The following DAB1 variants were observed in gnomAD, a reference collection of about 807,000 sequenced individuals.
DAB1 encodes DAB adaptor protein 1.
DAB1 carries 15 observed loss-of-function variants against 64.6 expected under a neutral mutation model. The ratio of observed to expected loss-of-function variants is 0.23; its 90% CI spans 0.16 to 0.36. The LOEUF (loss-of-function observed/expected upper bound fraction) is 0.36, where lower values mean the gene tolerates loss of function less well. DAB1 is among the 10% of genes least tolerant of loss of function. The pLI is 1.00. For synonymous variants in DAB1, 235 were observed against 251.9 expected (o/e 0.93, Z 0.64); for missense variants, 596 against 706.7 (o/e 0.84, Z 1.78).
intron 1 of DAB1, among the ~76,000 whole-genome samples, chr1:57,361,474 G>A (rs1243877037): frequency 6.6e-6 from 1 of 152,078 alleles, no homozygotes; most frequent in Non-Finnish European, 1.5e-5. Flanking sequence ...CAATATCTGT[G>A]TCCTTCCAAT....
intron 7 of DAB1, among the ~76,000 whole-genome samples, chr1:57,455,897 T>C (rs1316465652): frequency 1.3e-5 from 2 of 152,160 alleles, no homozygotes; most frequent in African/African-American, 4.8e-5. Flanking sequence ...TTGCGGAACA[T>C]TGCTGTTGGA....
At chr1:58,199,715 T>A (rs1657894391) in intron 4 of DAB1, among the ~76,000 whole-genome samples, 1 of 152,246 alleles carries the variant, frequency 6.6e-6, no homozygotes, top group African/African-American at 2.4e-5. Context: ...CTTAAAGTCA[T>A]GTGTTTCTCA....
At chr1:57,499,943 A>G (rs950315386) in intron 7 of DAB1, among the ~76,000 whole-genome samples, 2 of 152,234 alleles carry the variant, frequency 1.3e-5, no homozygotes, top group Admixed American at 1.3e-4. Flanking sequence ...TGTTTTTCAC[A>G]TTGCAGATAC....
At chr1:57,213,747 A>G (rs1048939024) in intron 2 of DAB1, among the ~76,000 whole-genome samples, 1 of 152,230 alleles carries the variant, frequency 6.6e-6, no homozygotes, top group Non-Finnish European at 1.5e-5. Context: ...AAAATGAAGT[A>G]GTTCAACCAA....
intron 1 of DAB1, among the ~76,000 whole-genome samples, chr1:57,339,610 C>T (rs1394630433): frequency 1.3e-5 from 2 of 152,168 alleles, no homozygotes; most frequent in East Asian, 3.9e-4. Context: ...CAGGCTGACA[C>T]ATTAATTGAG....
chr1:57,754,364 T>C (rs1400807029), intron 6 of DAB1, among the ~76,000 whole-genome samples: 1 of 152,134 alleles, frequency 6.6e-6, no homozygotes, highest in Non-Finnish European at 1.5e-5. Flanking sequence ...CCAATTAGGT[T>C]TTATTTAATT....
At chr1:57,240,069 C>T (rs480283) in intron 2 of DAB1, among the ~76,000 whole-genome samples, 71,723 of 152,062 alleles carry the variant, frequency 0.47, 18,896 homozygotes, top group Admixed American at 0.59. Context: ...TAAGCTTAGA[C>T]GTAATGTCTT....
chr1:57,866,787 G>A, intron 1 of DAB1, among the ~76,000 whole-genome samples: 1 of 152,170 alleles, frequency 6.6e-6, no homozygotes. Context: ...GCACAGGATT[G>A]TGTTTAACAT....
chr1:57,621,391 G>A (rs892798150), intron 7 of DAB1, among the ~76,000 whole-genome samples: 4 of 151,536 alleles, frequency 2.6e-5, no homozygotes, highest in East Asian at 2.0e-4. Context: ...GGGATAGTGC[G>A]TGGGGGTGGG....
intron 5 of DAB1, 22 bp from the exon 6 acceptor site, chr1:57,071,663 C>T (rs760867085): frequency 8.4e-5 from 135 of 1,610,782 alleles, no homozygotes; most frequent in Non-Finnish European, 1.1e-4. Flanking sequence ...GGTAGTAAGG[C>T]ACATCATAAG....
chr1:57,086,887 G>A (rs1653143564), intron 4 of DAB1, among the ~76,000 whole-genome samples: 1 of 152,162 alleles, frequency 6.6e-6, no homozygotes, highest in African/African-American at 2.4e-5. Context: ...GAATGGGTCT[G>A]GGTCATTCCT....
At chr1:57,412,865 T>C (rs982844708) in intron 1 of DAB1, among the ~76,000 whole-genome samples, 5 of 152,258 alleles carry the variant, frequency 3.3e-5, no homozygotes, top group South Asian at 2.1e-4. Context: ...ATTGATGAAG[T>C]TGGTTATACC....
At chr1:57,629,057 A>T (rs1007765875) in intron 7 of DAB1, among the ~76,000 whole-genome samples, 6 of 152,160 alleles carry the variant, frequency 3.9e-5, no homozygotes, top group Non-Finnish European at 7.4e-5. Flanking sequence ...GTTCTTACAA[A>T]TTTTAAACCT....
chr1:57,331,864 C>T (rs72674851), intron 1 of DAB1, among the ~76,000 whole-genome samples: 16,056 of 152,242 alleles, frequency 0.11, 924 homozygotes, highest in Middle Eastern at 0.13. Context: ...ACATTAAAGA[C>T]GAGGTAGCAG....
chr1:58,116,022 T>C (rs565007984), intron 5 of DAB1, among the ~76,000 whole-genome samples: 51 of 150,830 alleles, frequency 3.4e-4, no homozygotes, highest in Admixed American at 2.4e-3. Flanking sequence ...AATTCATCTA[T>C]ACAAAAAAAA....
chr1:57,563,376 G>T (rs1001446295), intron 7 of DAB1, among the ~76,000 whole-genome samples: 1 of 152,162 alleles, frequency 6.6e-6, no homozygotes, highest in South Asian at 2.1e-4. Context: ...CGCAGAAGAC[G>T]GGTGATTTCT....
chr1:57,835,939 C>T (rs1652790477), intron 1 of DAB1, among the ~76,000 whole-genome samples: 1 of 152,094 alleles, frequency 6.6e-6, no homozygotes, highest in Non-Finnish European at 1.5e-5. Context: ...GGTACTCTAC[C>T]CATTTGGGTC....
rs147744216 is a variant in DAB1 at position 57,308,187 on chromosome 1, C to T, written c.-136-17021G>A. Reference sequence around the variant, plus strand: ...TCATCCAGATTTGTAATTGAGTTATCCCTAAAAAATGAGCCAGCCTTGATT... The same window carrying T: ...TCATCCAGATTTGTAATTGAGTTATTCCTAAAAAATGAGCCAGCCTTGATT... On this transcript the variant is annotated intron_variant, in intron 1 of 14. Coordinates refer to ENST00000371236, the MANE Select transcript of DAB1 (RefSeq NM_001365792.1). 3.4e-3 allele frequency among the ~76,000 whole-genome samples: 522 copies of T among 152,250 alleles called. 5 individuals carry two copies. The highest frequency in any genetic ancestry group is 0.012 in the African/African-American group (489 of 41,540).
At chr1:57,825,285 A>G (rs1431081660), downstream of DAB1, among the ~76,000 whole-genome samples, 1 of 152,204 alleles carries the variant, frequency 6.6e-6, no homozygotes, top group Non-Finnish European at 1.5e-5. Context: ...AGCTTGAAAC[A>G]GCAGATTTTG....
Sources: gnomAD v4.1 joint callset for allele counts (sites outside exome capture counted in the v4.1 genomes callset) on GRCh38, gnomAD v4.1.1 for gene constraint, MANE v1.5 for transcripts, NCBI Gene and HGNC (gene_info 2026-07-23, HGNC 2026-07-21) for gene names.